The following GRIA1 variants were observed in gnomAD, a reference collection of about 807,000 sequenced individuals.
The protein encoded by GRIA1 is glutamate ionotropic receptor AMPA type subunit 1, also known as glutamate receptor 1.
In GRIA1, 31 loss-of-function variants were observed where a neutral mutation model predicts 99.2. The ratio of observed to expected loss-of-function variants is 0.31; its 90% CI spans 0.23 to 0.42. The LOEUF is 0.42. Among genes scored for constraint, GRIA1 ranks in the 10% least tolerant of loss-of-function variants. The probability of loss-of-function intolerance (pLI) is 1.00; values close to 1 mark genes in which losing one functional copy is unlikely to be tolerated. For synonymous variants in GRIA1, 438 were observed against 432.4 expected (o/e 1.01, Z -0.16); for missense variants, 782 against 1,157.5 (o/e 0.68, Z 4.71).
At chr5:153,560,327 C>T (rs1358337790) in intron 2 of GRIA1, among the ~76,000 whole-genome samples, 1 of 152,190 alleles carries the variant, frequency 6.6e-6, no homozygotes, top group Non-Finnish European at 1.5e-5. Flanking sequence ...TCATCTCCTT[C>T]TAGATAACTT....
intron 2 of GRIA1, chr5:153,525,229 T>TG (rs1456237573): frequency 1.3e-5 from 2 of 152,230 alleles, no homozygotes; most frequent in Admixed American, 1.3e-4. Context: ...TTTCCCTTCC[T>TG]GGGGGACATG....
intron 2 of GRIA1, among the ~76,000 whole-genome samples, chr5:153,584,160 A>G (rs17519810): frequency 0.054 from 8,178 of 152,228 alleles, 288 homozygotes; most frequent in Non-Finnish European, 0.076. Context: ...GCTTCCTCCA[A>G]GTTGTACTCA....
In GRIA1 at chr5:153,802,345, C is replaced by A. The variant is rs1186384673; in HGVS notation, c.2386-11C>A. The A allele has an allele frequency of 6.2e-7, 1 of 1,613,608 alleles. No individual in the cohort carries two copies. Among genetic ancestry groups the A allele is most frequent in the Non-Finnish European group, 8.5e-7 (1 of 1,179,662 alleles). The stretch of plus-strand genomic sequence containing the variant: ...TCCCCCTCCCCTTCCTTTCCCTCCT[C>A]CTCTTCTTAGGACAAGACAAGCGCT... On this transcript the variant is annotated splice_polypyrimidine_tract_variant and intron_variant, in intron 14 of 15. Transcript: ENST00000285900.
At chr5:153,491,525 T>C (rs1452656544) in intron 1 of GRIA1, among the ~76,000 whole-genome samples, 1 of 151,874 alleles carries the variant, frequency 6.6e-6, no homozygotes, top group Non-Finnish European at 1.5e-5. Flanking sequence ...CCAAGGCGGG[T>C]AGGCTCCCTC....
chr5:153,710,213 CT>C (rs1308108205), intron 11 of GRIA1, among the ~76,000 whole-genome samples: 4 of 147,898 alleles, frequency 2.7e-5, no homozygotes, highest in Non-Finnish European at 5.9e-5. Flanking sequence ...ACTTTTAAGC[CT>C]GCTTCTTGTT....
At chr5:153,733,702 G>A (rs1761193440) in intron 11 of GRIA1, among the ~76,000 whole-genome samples, 1 of 152,074 alleles carries the variant, frequency 6.6e-6, no homozygotes, top group Middle Eastern at 3.2e-3. Flanking sequence ...AAAGAGAGCA[G>A]AGGTCACTGT....
chr5:153,750,894 G>A (rs538753852), intron 11 of GRIA1, among the ~76,000 whole-genome samples: 15 of 152,122 alleles, frequency 9.9e-5, no homozygotes, highest in South Asian at 2.1e-4. Context: ...TCAGGAGATC[G>A]AGACCATCCT....
At chr5:153,772,479 G>A (rs1481525923) in intron 13 of GRIA1, among the ~76,000 whole-genome samples, 1 of 151,942 alleles carries the variant, frequency 6.6e-6, no homozygotes, top group Non-Finnish European at 1.5e-5. Flanking sequence ...GGATGAGGTG[G>A]GGAAGAATTT....
At chr5:153,710,203 AC>A (rs1759209108) in intron 11 of GRIA1, among the ~76,000 whole-genome samples, 1 of 149,570 alleles carries the variant, frequency 6.7e-6, no homozygotes, top group African/African-American at 2.5e-5. Flanking sequence ...CCATGAATTT[AC>A]TTTTAAGCCT....
intron 2 of GRIA1, among the ~76,000 whole-genome samples, chr5:153,544,667 G>C (rs1196864732): frequency 6.6e-6 from 1 of 152,170 alleles, no homozygotes; most frequent in East Asian, 1.9e-4. Context: ...CATGGGAAGA[G>C]ATTTAATTTA....
At chr5:153,529,785 C>T (rs1388526443) in intron 2 of GRIA1, among the ~76,000 whole-genome samples, 1 of 152,060 alleles carries the variant, frequency 6.6e-6, no homozygotes. Context: ...TGCAAACTCC[C>T]CAACCTTTTG....
chr5:153,507,225 A>G (rs1157900695), intron 2 of GRIA1, among the ~76,000 whole-genome samples: 1 of 152,218 alleles, frequency 6.6e-6, no homozygotes, highest in Admixed American at 6.5e-5. Context: ...AAATCCAGCT[A>G]CTTATGTCTT....
At chr5:153,568,694 T>A (rs12153765) in intron 2 of GRIA1, among the ~76,000 whole-genome samples, 14,712 of 151,372 alleles carry the variant, frequency 0.097, 785 homozygotes, top group South Asian at 0.19. Flanking sequence ...GTCTTTACCC[T>A]CACTAATTTG....
chr5:153,732,819 G>T (rs1286177918), intron 11 of GRIA1, among the ~76,000 whole-genome samples: 3 of 151,672 alleles, frequency 2.0e-5, no homozygotes, highest in African/African-American at 4.8e-5. Context: ...AAAAGCTTTT[G>T]CTCTATGTTT....
chr5:153,553,420 A>G (rs1426694389), intron 2 of GRIA1, among the ~76,000 whole-genome samples: 1 of 152,226 alleles, frequency 6.6e-6, no homozygotes, highest in Non-Finnish European at 1.5e-5. Context: ...GAAAGAAAGT[A>G]AAGTACACTT....
At chr5:153,791,131 T>A (rs1765268946) in intron 13 of GRIA1, among the ~76,000 whole-genome samples, 1 of 135,108 alleles carries the variant, frequency 7.4e-6, no homozygotes, top group African/African-American at 3.0e-5. Flanking sequence ...CGTTTCTGTC[T>A]CCTTAAAAAA....
chr5:153,802,036 T>A (rs997298922), intron 14 of GRIA1, among the ~76,000 whole-genome samples: 7 of 151,474 alleles, frequency 4.6e-5, no homozygotes, highest in African/African-American at 1.5e-4. Flanking sequence ...AAGGTGCAAA[T>A]TTTGGTAGAA....
intron 2 of GRIA1, among the ~76,000 whole-genome samples, chr5:153,529,101 T>G (rs182514789): frequency 3.1e-3 from 476 of 152,348 alleles, no homozygotes; most frequent in African/African-American, 0.011. Context: ...TATTTTATGT[T>G]AATAAGAGCT....
chr5:153,779,884 G>A (rs1327110632), intron 13 of GRIA1, among the ~76,000 whole-genome samples: 1 of 152,158 alleles, frequency 6.6e-6, no homozygotes, highest in African/African-American at 2.4e-5. Context: ...ATAATGCCTG[G>A]TTGAGAAGCT....
Sources: allele counts gnomAD v4.1 joint callset (sites outside exome capture counted in the v4.1 genomes callset), GRCh38; gene constraint gnomAD v4.1.1; transcripts MANE v1.5; gene names NCBI Gene and HGNC (gene_info 2026-07-23, HGNC 2026-07-21).